MLX: variants seen among roughly 807,000 people sequenced by gnomAD.
MLX encodes the protein MAX dimerization protein MLX.
A neutral mutation model predicts 33.0 loss-of-function variants in MLX; 15 were observed. The observed-to-expected ratio is 0.45, with a 90% CI of 0.30 to 0.70. The LOEUF (loss-of-function observed/expected upper bound fraction) is 0.70, where lower values mean the gene tolerates loss of function less well. Ranked by LOEUF, MLX falls within the 30% of genes least tolerant of loss-of-function variation. The probability of loss-of-function intolerance (pLI) is 0.07; values close to 1 mark genes in which losing one functional copy is unlikely to be tolerated. For synonymous variants in MLX, 115 were observed against 115.6 expected (o/e 0.99, Z 0.03); for missense variants, 285 against 306.3 (o/e 0.93, Z 0.52).
chr17:42,572,990 T>C lies in MLX; in HGVS notation c.*1387T>C, dbSNP rs779461375. 1 of 1,614,196 alleles carries C rather than the reference T, an allele frequency of 6.2e-7. No individual in the cohort carries two copies. The highest frequency in any genetic ancestry group is 1.1e-5 in the South Asian group (1 of 91,080). Reference sequence around the variant, plus strand: ...CCCTCAGGGGTCTGGGAGTGTGACGTTGTAATCTTCATCCGTCTCTATCCC... The same window carrying C: ...CCCTCAGGGGTCTGGGAGTGTGACGCTGTAATCTTCATCCGTCTCTATCCC... On this transcript the variant is annotated 3_prime_UTR_variant, in exon 8 of 8. Coordinates refer to ENST00000435881, the MANE Select transcript of MLX (RefSeq NM_198204.2).
In MLX at chr17:42,570,072, A is replaced by G; in HGVS notation, c.567A>G (p.Gln189=). The G allele has an allele frequency of 6.2e-7, 1 of 1,614,186 alleles. No individual in the cohort carries two copies. The highest frequency in any genetic ancestry group is 1.1e-5 in the South Asian group (1 of 91,084). The part of the protein sequence containing the change: ...VSDQVKFNVF[Q]GIMDSLFQSF... ...ACCAGGTCAAGTTCAACGTGTTTCA[A>G]GGCATCATGGATTCCCTGTTCCAGT... Residue 189 remains glutamine, a synonymous_variant, in exon 7 of 8, where the codon CAA becomes CAG. Transcript: ENST00000435881.
At chr17:42,567,337 A>G in intron 1 of MLX, 171 bp downstream of exon 1, 1 of 1,401,010 alleles carries the variant, frequency 7.1e-7, no homozygotes, top group South Asian at 1.7e-5. Context: ...AGGTGGGGAG[A>G]CAAACGAGGC....
At position 42,569,260 on chromosome 17, in the gene MLX, C is replaced by T; in HGVS notation, c.333C>T (p.Ser111=). ...CCACTTGCCAGCAGCAGGACTTCTCCATTGGCTCCCAAAAGCTCAGCAAAG... is the reference window on the plus strand; with the variant it reads ...CCACTTGCCAGCAGCAGGACTTCTCTATTGGCTCCCAAAAGCTCAGCAAAG... ...IVPTCQQQDF[S]IGSQKLSKAI... The change falls in exon 5 of 8, where the codon TCC becomes TCT. Residue 111 remains serine, a synonymous_variant. Coordinates refer to ENST00000435881, the MANE Select transcript of MLX (RefSeq NM_198204.2). The T allele has an allele frequency of 6.2e-7, 1 of 1,614,188 alleles. No individual in the cohort carries two copies. Among genetic ancestry groups the T allele is most frequent in the South Asian group, 1.1e-5 (1 of 91,084 alleles).
rs1336621949 is a variant in MLX, at chr17:42,567,643, A to G, written c.67A>G (p.Ser23Gly). Residue 23 changes from serine (S) to glycine (G), a missense_variant, in exon 2 of 8, where the codon AGC becomes GGC. Physicochemically the swap from Ser to Gly is moderately conservative, Grantham distance 56. Coordinates refer to ENST00000435881, the MANE Select transcript of MLX (RefSeq NM_198204.2). Reference protein sequence around the residue: ...VKVEYAYSDNSLDPGLFVEST... With the variant: ...VKVEYAYSDNGLDPGLFVEST... ...GGTGGAGTATGCCTACAGCGACAAC[A>G]GCCTGGACCCCGGTGAGTAGCTGCC... 1.9e-6 allele frequency: 3 copies of G among 1,614,066 alleles called. No homozygotes were observed. The highest frequency in any genetic ancestry group is 2.5e-6 in the Non-Finnish European group (3 of 1,179,984).
rs2143260850 is a variant in MLX at position 42,570,178 on chromosome 17, C to T, written c.673C>T (p.Pro225Ser). The change falls in exon 7 of 8, where the codon CCT (proline) becomes TCT (serine). Residue 225 changes from proline to serine, a missense_variant. By Grantham distance (74) the Pro-to-Ser change is moderately conservative (BLOSUM62 -1). Transcript: ENST00000435881. ...CAGCTGGATCGAGGAGCACTGTAAG[C>T]CTCAGGTATGGGGCAACAATAGGCA... is the stretch of plus-strand genomic sequence containing the variant. ...VFSWIEEHCK[P>S]QTLREIVIGV... is the part of the protein sequence containing the mutation. 1 of 1,613,636 alleles carries T rather than the reference C, an allele frequency of 6.2e-7. No homozygotes were observed. The highest frequency in any genetic ancestry group is 8.5e-7 in the Non-Finnish European group (1 of 1,180,002).
intron 1 of MLX, 84 bp from the exon 2 acceptor site, chr17:42,567,535 C>T (rs1283617947): frequency 6.3e-7 from 1 of 1,596,794 alleles, no homozygotes; most frequent in East Asian, 2.2e-5. Context: ...GAATGGGGGG[C>T]GCGCTGTGCG....
At position 42,569,314 on chromosome 17, in the gene MLX, G is replaced by T; in HGVS notation, c.376+11G>T. On this transcript the variant is annotated intron_variant, in intron 5 of 7. Coordinates refer to ENST00000435881, the MANE Select transcript of MLX (RefSeq NM_198204.2). ...TCGTTCTACAAAAGAGTATGGCTAG[G>T]GAAAGCACTGGAGGGGATGGAGCCA... 2 of 1,611,706 alleles carry T rather than the reference G, an allele frequency of 1.2e-6. No homozygotes were observed. The highest frequency in any genetic ancestry group is 1.7e-6 in the Non-Finnish European group (2 of 1,177,828).
chr17:42,569,705 T>A, intron 6 of MLX, 99 bp downstream of exon 6: 1 of 939,636 alleles, frequency 1.1e-6, no homozygotes, highest in Non-Finnish European at 1.7e-6. Flanking sequence ...GCTGTACAGA[T>A]AATACTCTTA....
At chr17:42,569,180 C>G (rs768257865) in intron 4 of MLX, 24 bp from the exon 5 acceptor site, 1 of 1,603,650 alleles carries the variant, frequency 6.2e-7, no homozygotes, top group East Asian at 2.2e-5. Flanking sequence ...GTTAAAGAAC[C>G]CATTTCCCCT....
At chr17:42,571,366 A>G (rs2093031504) in intron 7 of MLX, among the ~76,000 whole-genome samples, 181 bp from the exon 8 acceptor site, 1 of 151,996 alleles carries the variant, frequency 6.6e-6, no homozygotes, top group Non-Finnish European at 1.5e-5. Flanking sequence ...AATTCAGGTG[A>G]TCCACCCGCC....
At position 42,572,779 on chromosome 17, in the gene MLX, C is replaced by A; in HGVS notation, c.*1176C>A. The A allele has an allele frequency of 2.8e-6, 2 of 719,340 alleles. No individual in the cohort carries two copies. Among genetic ancestry groups the A allele is most frequent in the Non-Finnish European group, 5.0e-6 (2 of 402,926 alleles). 44.6% of individuals were successfully genotyped at this position (719,340 alleles called of 1,614,324 possible). On this transcript the variant is annotated 3_prime_UTR_variant, in exon 8 of 8. Transcript: ENST00000435881. ...ATTTAGACAATGAAATGGGCTGGGT[C>A]TACCCCCAGCCACCAGCCCTCATCC...
Position 42,572,605 on chromosome 17 carries a change from C to A in MLX, c.*1002C>A, listed in dbSNP as rs1380170622. The A allele has an allele frequency of 6.6e-6, 3 of 452,202 alleles. No homozygotes were observed. The East Asian group carries it at 2.1e-4, about 31-fold the overall frequency. The allele number at this position is 452,202 out of a possible 1,614,324, so 28.0% of individuals were successfully genotyped here. Reference sequence around the variant, plus strand: ...TCTCTACCCTAGTTCTCCAAATTCACTTCTGCCTTCCTCAGGTTTGATATC... The same window carrying A: ...TCTCTACCCTAGTTCTCCAAATTCAATTCTGCCTTCCTCAGGTTTGATATC... On this transcript the variant is annotated 3_prime_UTR_variant, in exon 8 of 8. Coordinates refer to ENST00000435881, the MANE Select transcript of MLX (RefSeq NM_198204.2).
intron 1 of MLX, 189 bp from the exon 2 acceptor site, chr17:42,567,430 C>T (rs917095893): frequency 1.4e-6 from 2 of 1,383,550 alleles, no homozygotes; most frequent in Non-Finnish European, 9.6e-7. Flanking sequence ...ACTCGCACGC[C>T]CTAGCCTGTG....
Position 42,570,056 on chromosome 17 carries a change from A to G in MLX, c.551A>G (p.Lys184Arg), listed in dbSNP as rs775660549. ...GAGGACCAGGTCTCTGACCAGGTCA[A>G]GTTCAACGTGTTTCAAGGCATCATG... The part of the protein sequence containing the change: ...EGEDQVSDQV[K>R]FNVFQGIMDS... Residue 184 changes from lysine (K) to arginine (R), a missense_variant, in exon 7 of 8, where the codon AAG (lysine) becomes AGG (arginine). Lys to Arg is a conservative substitution (Grantham distance 26). Transcript: ENST00000435881. The G allele has an allele frequency of 5.0e-6, 8 of 1,614,080 alleles. No homozygotes were observed. The East Asian group carries it at 1.3e-4, about 27-fold the overall frequency.
Position 42,567,614 on chromosome 17 carries a change from C to G in MLX, c.43-5C>G. On this transcript the variant is annotated splice_polypyrimidine_tract_variant and splice_region_variant and intron_variant, in intron 1 of 7. Transcript: ENST00000435881. ...GACGGGCCCTTCCCGTGCTCTGTGC[C>G]GCAGGTGGAGTATGCCTACAGCGAC... 1.2e-6 allele frequency: 2 copies of G among 1,614,018 alleles called. No homozygotes were observed. The highest frequency in any genetic ancestry group is 1.3e-5 in the African/African-American group (1 of 75,004).
chr17:42,571,548 C>T lies in MLX; in HGVS notation c.680C>T (p.Thr227Ile). ...SWIEEHCKPQ[T>I]LREIVIGVLH... ...TTCTTCCTCTGCTGCCCTCGCCAGACCCTGCGGGAGATTGTGATTGGCGTC... is the reference window on the plus strand; with the variant it reads ...TTCTTCCTCTGCTGCCCTCGCCAGATCCTGCGGGAGATTGTGATTGGCGTC... The change falls in exon 8 of 8, where the codon ACC becomes ATC. Residue 227 changes from threonine to isoleucine, a missense_variant and splice_region_variant. Physicochemically the swap from Thr to Ile is moderately conservative, Grantham distance 89 (BLOSUM62 -1). Coordinates refer to ENST00000435881, the MANE Select transcript of MLX (RefSeq NM_198204.2). 2 of 1,614,180 alleles carry T rather than the reference C, an allele frequency of 1.2e-6. No individual in the cohort carries two copies. Among genetic ancestry groups the T allele is most frequent in the Non-Finnish European group, 1.7e-6 (2 of 1,180,024 alleles).
Position 42,572,901 on chromosome 17 carries a change from T to C in MLX, c.*1298T>C, listed in dbSNP as rs1403432379. On this transcript the variant is annotated 3_prime_UTR_variant, in exon 8 of 8. Transcript: ENST00000435881. ...CAACAAAAGCCAACCAAAAACAAGG[T>C]AGCCAGTGCAAGACATCTCACTCTT... is the stretch of plus-strand genomic sequence containing the variant. The C allele has an allele frequency of 6.4e-7, 1 of 1,568,670 alleles. No homozygotes were observed. The highest frequency in any genetic ancestry group is 8.8e-7 in the Non-Finnish European group (1 of 1,140,576).
Position 42,572,143 on chromosome 17 carries a change from C to G in MLX, c.*540C>G. ...CCTAGACTAGGGCTGCCTGGTCAGT[C>G]CCAGGTGAGGCCAAGGGCTTTCTGG... On this transcript the variant is annotated 3_prime_UTR_variant, in exon 8 of 8. Coordinates refer to ENST00000435881, the MANE Select transcript of MLX (RefSeq NM_198204.2). 1 of 338,148 alleles carries G rather than the reference C, an allele frequency of 3.0e-6. No homozygotes were observed. The highest frequency in any genetic ancestry group is 5.8e-6 in the Non-Finnish European group (1 of 173,742). 20.9% of individuals were successfully genotyped at this position (338,148 alleles called of 1,614,324 possible).
At position 42,572,259 on chromosome 17, in the gene MLX, G is replaced by A; in HGVS notation, c.*656G>A. 2.5e-6 allele frequency: 1 copy of A among 406,782 alleles called. No homozygotes were observed. The highest frequency in any genetic ancestry group is 4.9e-6 in the Non-Finnish European group (1 of 202,618). 25.2% of individuals were successfully genotyped at this position (406,782 alleles called of 1,614,324 possible). On this transcript the variant is annotated 3_prime_UTR_variant, in exon 8 of 8. Coordinates refer to ENST00000435881, the MANE Select transcript of MLX (RefSeq NM_198204.2). The stretch of plus-strand genomic sequence containing the variant: ...TCTGGGTGGTAAGGGAAGCCCTCCC[G>A]GTTCCCACAGGCTATGATGCTGCAT...
Sources: gnomAD v4.1 joint callset for allele counts (sites outside exome capture counted in the v4.1 genomes callset) on GRCh38, gnomAD v4.1.1 for gene constraint, MANE v1.5 for transcripts, NCBI Gene and HGNC (gene_info 2026-07-23, HGNC 2026-07-21) for gene names.